The following THSD4 variants were observed in gnomAD, a reference collection of about 807,000 sequenced individuals.
THSD4 encodes the protein thrombospondin type 1 domain containing 4.
In THSD4, 69 loss-of-function variants were observed where a neutral mutation model predicts 119.0. The observed-to-expected ratio is 0.58, with a 90% CI of 0.48 to 0.71. The LOEUF (loss-of-function observed/expected upper bound fraction) is 0.71. Ranked by LOEUF, THSD4 falls within the 30% of genes least tolerant of loss-of-function variation. The pLI is 0.00. For synonymous variants in THSD4, 524 were observed against 540.4 expected (o/e 0.97, Z 0.42); for missense variants, 1,393 against 1,391.1 (o/e 1.00, Z -0.02).
At chr15:71,125,064 A>G (rs2040441861) in intron 1 of THSD4, among the ~76,000 whole-genome samples, 1 of 151,990 alleles carries the variant, frequency 6.6e-6, no homozygotes, top group South Asian at 2.1e-4. Context: ...ACAGAGTGAG[A>G]CCCAGCCAGA....
chr15:71,446,434 C>T (rs908725629), intron 7 of THSD4, among the ~76,000 whole-genome samples: 10 of 152,170 alleles, frequency 6.6e-5, no homozygotes, highest in Admixed American at 3.9e-4. Flanking sequence ...TTTAGTTCTA[C>T]AGTGTTGTTT....
chr15:71,172,401 G>T (rs1409706872), intron 3 of THSD4, among the ~76,000 whole-genome samples: 1 of 151,740 alleles, frequency 6.6e-6, no homozygotes, highest in South Asian at 2.1e-4. Context: ...ATATTGTTAA[G>T]ATAACCATTC....
chr15:71,630,920 G>C (rs796717409), intron 7 of THSD4, among the ~76,000 whole-genome samples: 1 of 152,156 alleles, frequency 6.6e-6, no homozygotes, highest in East Asian at 1.9e-4. Flanking sequence ...TTGCGGTGGG[G>C]GCTGTCCTGT....
intron 8 of THSD4, among the ~76,000 whole-genome samples, chr15:71,711,486 A>G (rs1015663851): frequency 2.6e-5 from 4 of 152,168 alleles, no homozygotes; most frequent in African/African-American, 9.7e-5. Context: ...TATACAGAAT[A>G]CTGAAAATTA....
At chr15:71,341,840 A>C in intron 6 of THSD4, 1 of 657,906 alleles carries the variant, frequency 1.5e-6, no homozygotes. Context: ...ATTTCCACCT[A>C]CTAGGTTTTT....
intron 6 of THSD4, among the ~76,000 whole-genome samples, chr15:71,367,208 C>A (rs1194976453): frequency 1.4e-5 from 2 of 146,418 alleles, no homozygotes; most frequent in Admixed American, 1.4e-4. Context: ...TTACCTCATG[C>A]TAGGCTCTCT....
At chr15:71,758,133 G>A (rs1393795260) in intron 15 of THSD4, 58 bp downstream of exon 15, 2 of 1,501,950 alleles carry the variant, frequency 1.3e-6, no homozygotes, top group Admixed American at 2.2e-5. Flanking sequence ...GCATACCAGA[G>A]GGGTTAGGAA....
At chr15:71,743,592 T>G (rs913480641) in intron 11 of THSD4, among the ~76,000 whole-genome samples, 1 of 152,372 alleles carries the variant, frequency 6.6e-6, no homozygotes, top group South Asian at 2.1e-4. Flanking sequence ...CCATTAACTT[T>G]ACAGTCAGTA....
chr15:71,615,246 T>A (rs1031757432), intron 7 of THSD4, among the ~76,000 whole-genome samples: 1 of 152,152 alleles, frequency 6.6e-6, no homozygotes, highest in African/African-American at 2.4e-5. Flanking sequence ...ATGCATGGAA[T>A]CTCTATTTTT....
At chr15:71,174,189 G>A (rs928280647) in intron 3 of THSD4, among the ~76,000 whole-genome samples, 2 of 152,042 alleles carry the variant, frequency 1.3e-5, no homozygotes, top group African/African-American at 4.8e-5. Context: ...AGCTCCCAGC[G>A]TGAGCGACGC....
intron 7 of THSD4, among the ~76,000 whole-genome samples, chr15:71,558,486 T>C (rs1317302645): frequency 6.6e-6 from 1 of 152,180 alleles, no homozygotes; most frequent in East Asian, 1.9e-4. Context: ...GTTTTAAGGT[T>C]TTTTTGTTTT....
intron 6 of THSD4, among the ~76,000 whole-genome samples, chr15:71,265,768 G>A (rs370476036): frequency 6.6e-6 from 1 of 152,192 alleles, no homozygotes; most frequent in South Asian, 2.1e-4. Context: ...AGCTTTGTGG[G>A]GGGGGAGGGG....
chr15:71,608,863 G>A (rs2050167486), intron 7 of THSD4, among the ~76,000 whole-genome samples: 1 of 152,138 alleles, frequency 6.6e-6, no homozygotes, highest in Non-Finnish European at 1.5e-5. Context: ...ATGTAGATAA[G>A]GAAAGTGGGG....
chr15:71,525,487 G>A (rs368923563), intron 7 of THSD4, among the ~76,000 whole-genome samples: 2 of 152,224 alleles, frequency 1.3e-5, no homozygotes, highest in South Asian at 4.1e-4. Context: ...GAGCCAGGGA[G>A]TGGGGGTGGT....
intron 8 of THSD4, among the ~76,000 whole-genome samples, chr15:71,722,387 A>G (rs1442838813): frequency 2.6e-5 from 4 of 152,208 alleles, no homozygotes; most frequent in Non-Finnish European, 5.9e-5. Flanking sequence ...ATAGTAATAG[A>G]TGGTAAAAAG....
intron 7 of THSD4, among the ~76,000 whole-genome samples, chr15:71,523,678 A>C (rs2140792517): frequency 6.6e-6 from 1 of 152,262 alleles, no homozygotes; most frequent in East Asian, 1.9e-4. Flanking sequence ...ATAAGGAACG[A>C]CCACAGCAGG....
intron 7 of THSD4, among the ~76,000 whole-genome samples, chr15:71,475,664 T>C (rs1334413477): frequency 6.6e-6 from 1 of 152,158 alleles, no homozygotes; most frequent in East Asian, 1.9e-4. Context: ...GGCTCATGCC[T>C]TTAGTCTTAG....
Position 71,762,853 on chromosome 15 carries a change from G to A in THSD4, c.2590-2167G>A, listed in dbSNP as rs1018226205. 3.3e-5 allele frequency among the ~76,000 whole-genome samples: 5 copies of A among 152,200 alleles called. No homozygotes were observed. The South Asian group carries it at 6.2e-4, about 19-fold the overall frequency. ...GGAGGCCAAGGCAGGCAGATCACTT[G>A]AGGTGTCAGGAGTTTGAGACCACCC... On this transcript the variant is annotated intron_variant, in intron 15 of 17. Transcript: ENST00000261862.
chr15:71,732,949 G>A (rs1032006398), intron 10 of THSD4: 4 of 152,182 alleles, frequency 2.6e-5, no homozygotes, highest in African/African-American at 4.8e-5. Flanking sequence ...CAGAACATGG[G>A]GTGGGTGTGT....
Sources: gnomAD v4.1 joint callset for allele counts (sites outside exome capture counted in the v4.1 genomes callset) on GRCh38, gnomAD v4.1.1 for gene constraint, MANE v1.5 for transcripts, NCBI Gene and HGNC (gene_info 2026-07-23, HGNC 2026-07-21) for gene names.